TBC1D22A: variants seen among roughly 807,000 people sequenced by gnomAD.
The protein encoded by TBC1D22A is putative GTPase activator.
TBC1D22A carries 38 observed loss-of-function variants against 60.2 expected under a neutral mutation model. That is an observed-to-expected ratio of 0.63 (90% confidence interval 0.49 to 0.83). The LOEUF (loss-of-function observed/expected upper bound fraction) is 0.83, where lower values mean the gene tolerates loss of function less well. Ranked by LOEUF, TBC1D22A falls within the 40% of genes least tolerant of loss-of-function variation. The pLI, the probability that TBC1D22A is intolerant of heterozygous loss-of-function variation, is 0.00. For synonymous variants in TBC1D22A, 302 were observed against 281.7 expected (o/e 1.07, Z -0.72); for missense variants, 628 against 701.0 (o/e 0.90, Z 1.18).
intron 5 of TBC1D22A, among the ~76,000 whole-genome samples, chr22:46,885,209 T>C (rs937468790): frequency 6.6e-6 from 1 of 152,160 alleles, no homozygotes; most frequent in African/African-American, 2.4e-5. Flanking sequence ...TTGTTGTGTG[T>C]ATCTGTGGGT....
intron 12 of TBC1D22A, among the ~76,000 whole-genome samples, chr22:47,151,536 G>A (rs112778826): frequency 6.6e-6 from 1 of 152,216 alleles, no homozygotes; most frequent in African/African-American, 2.4e-5. Flanking sequence ...TGGAAGCTTG[G>A]TCCATGGCTG....
At chr22:46,765,490 G>C (rs1165205365) in intron 1 of TBC1D22A, among the ~76,000 whole-genome samples, 1 of 151,942 alleles carries the variant, frequency 6.6e-6, no homozygotes, top group East Asian at 1.9e-4. Context: ...TTTTGAGATG[G>C]AGTCTCACTG....
chr22:47,119,775 A>G (rs905589891), intron 12 of TBC1D22A, among the ~76,000 whole-genome samples: 1 of 152,202 alleles, frequency 6.6e-6, no homozygotes, highest in Non-Finnish European at 1.5e-5. Flanking sequence ...GATTACAGGC[A>G]TGAGCCATCG....
intron 10 of TBC1D22A, among the ~76,000 whole-genome samples, chr22:47,023,078 C>T (rs1383602858): frequency 6.6e-6 from 1 of 152,118 alleles, no homozygotes; most frequent in African/African-American, 2.4e-5. Flanking sequence ...ATGTTAGACT[C>T]GTTAGTTAGG....
chr22:47,102,637 C>T (rs574072385), intron 11 of TBC1D22A, among the ~76,000 whole-genome samples: 3 of 152,316 alleles, frequency 2.0e-5, no homozygotes, highest in Non-Finnish European at 4.4e-5. Flanking sequence ...TGCCGTAAAG[C>T]TCTGTTTTCC....
intron 5 of TBC1D22A, among the ~76,000 whole-genome samples, chr22:46,884,428 G>A (rs900755638): frequency 7.2e-5 from 11 of 152,236 alleles, no homozygotes; most frequent in African/African-American, 2.4e-4. Flanking sequence ...ACCAGACACA[G>A]GTGATGAAGA....
At chr22:46,965,938 C>T (rs549714828) in intron 8 of TBC1D22A, among the ~76,000 whole-genome samples, 5 of 152,330 alleles carry the variant, frequency 3.3e-5, no homozygotes, top group South Asian at 2.1e-4. Context: ...GGCTTCATCA[C>T]GTCCCTCCCT....
At chr22:47,072,603 C>T (rs959134403) in intron 11 of TBC1D22A, among the ~76,000 whole-genome samples, 1 of 152,242 alleles carries the variant, frequency 6.6e-6, no homozygotes, top group Non-Finnish European at 1.5e-5. Context: ...GTTGCAGGCA[C>T]CCAGGAAGGT....
At chr22:46,863,030 G>C (rs2066890711) in intron 4 of TBC1D22A, among the ~76,000 whole-genome samples, 2 of 152,222 alleles carry the variant, frequency 1.3e-5, no homozygotes, top group African/African-American at 4.8e-5. Context: ...GTCTGCGCAG[G>C]GTAAGCGTGG....
intron 12 of TBC1D22A, among the ~76,000 whole-genome samples, chr22:47,167,489 G>A (rs540856100): frequency 7.9e-5 from 12 of 152,256 alleles, no homozygotes; most frequent in South Asian, 4.2e-4. Flanking sequence ...TACTCCTGCC[G>A]CCCACAGCTC....
intron 11 of TBC1D22A, among the ~76,000 whole-genome samples, chr22:47,055,070 G>T (rs1489094889): frequency 1.3e-5 from 2 of 152,208 alleles, no homozygotes; most frequent in African/African-American, 2.4e-5. Flanking sequence ...AGGTGAGGGG[G>T]TCTCGAGGGC....
At chr22:46,974,734 C>T (rs539174628) in intron 9 of TBC1D22A, among the ~76,000 whole-genome samples, 1 of 152,324 alleles carries the variant, frequency 6.6e-6, no homozygotes, top group South Asian at 2.1e-4. Flanking sequence ...GCTAGCTGTG[C>T]TAAGAGGGAT....
chr22:47,122,985 G>A (rs1189263873), intron 12 of TBC1D22A, among the ~76,000 whole-genome samples: 1 of 152,218 alleles, frequency 6.6e-6, no homozygotes, highest in African/African-American at 2.4e-5. Context: ...ATTATACCTG[G>A]AAGGAGGCGG....
At chr22:47,006,426 G>C (rs2061593082) in intron 10 of TBC1D22A, among the ~76,000 whole-genome samples, 1 of 152,160 alleles carries the variant, frequency 6.6e-6, no homozygotes, top group South Asian at 2.1e-4. Context: ...TGACTGATCT[G>C]GTGAATGTAT....
At chr22:47,143,813 A>G (rs1244555404) in intron 12 of TBC1D22A, among the ~76,000 whole-genome samples, 3 of 152,234 alleles carry the variant, frequency 2.0e-5, no homozygotes, top group Admixed American at 2.0e-4. Context: ...CCAGAGGTGC[A>G]TGAGGAGGGC....
chr22:46,800,575 T>G (rs1198233739), intron 4 of TBC1D22A, among the ~76,000 whole-genome samples: 1 of 152,188 alleles, frequency 6.6e-6, no homozygotes, highest in Non-Finnish European at 1.5e-5. Context: ...CCACGTGACC[T>G]TGAGCCAGCT....
Position 46,976,768 on chromosome 22 carries a change from G to A in TBC1D22A, c.1125+2369G>A, listed in dbSNP as rs142300586. Among the ~76,000 whole-genome samples the A allele has an allele frequency of 2.2e-3, 337 of 152,266 alleles. 1 individual carries two copies. Among genetic ancestry groups the A allele is most frequent in the African/African-American group, 7.6e-3 (315 of 41,546 alleles). On this transcript the variant is annotated intron_variant, in intron 9 of 12. Coordinates refer to ENST00000337137, the MANE Select transcript of TBC1D22A (RefSeq NM_014346.5). The stretch of plus-strand genomic sequence containing the variant: ...TTTCTGAAGTGCAGGCTCTCAGCCC[G>A]GCCTCCACCAGTTGTTCCCAGCGTT...
Position 46,945,130 on chromosome 22 carries a change from C to G in TBC1D22A, c.1016-29160C>G, listed in dbSNP as rs576860153. On this transcript the variant is annotated intron_variant, in intron 8 of 12. Coordinates refer to ENST00000337137, the MANE Select transcript of TBC1D22A (RefSeq NM_014346.5). ...AAAGTCAGAGTGGAATCCTCATCTT[C>G]TGGTCTCCTTGGATTTTCAGTTCAG... Among the ~76,000 whole-genome samples the G allele has an allele frequency of 9.2e-5, 14 of 152,334 alleles. No individual in the cohort carries two copies. The South Asian group carries it at 2.9e-3, about 32-fold the overall frequency.
At chr22:46,796,785 C>T (rs1601901443) in intron 3 of TBC1D22A, among the ~76,000 whole-genome samples, 1 of 152,184 alleles carries the variant, frequency 6.6e-6, no homozygotes, top group South Asian at 2.1e-4. Flanking sequence ...ACTGCGGTCA[C>T]TGCCTGTGGT....
Sources: allele counts gnomAD v4.1 joint callset (sites outside exome capture counted in the v4.1 genomes callset), GRCh38; gene constraint gnomAD v4.1.1; transcripts MANE v1.5; gene names NCBI Gene and HGNC (gene_info 2026-07-23, HGNC 2026-07-21).